Variants in ZNF26 observed in about 807,000 individuals in gnomAD.
The protein encoded by ZNF26 is zinc finger protein 26, also known as epididymis luminal protein 179.
ZNF26 carries 32 observed loss-of-function variants against 54.9 expected under a neutral mutation model. The ratio of observed to expected loss-of-function variants is 0.58; its 90% CI spans 0.44 to 0.78. The LOEUF is 0.78. Ranked by LOEUF, ZNF26 falls within the 30% of genes least tolerant of loss-of-function variation. The probability of loss-of-function intolerance (pLI) is 0.00; values close to 1 mark genes in which losing one functional copy is unlikely to be tolerated. For synonymous variants in ZNF26, 221 were observed against 209.2 expected (o/e 1.06, Z -0.49); for missense variants, 524 against 634.0 (o/e 0.83, Z 1.86).
intron 1 of ZNF26, among the ~76,000 whole-genome samples, chr12:132,999,387 C>T (rs1453978757): frequency 2.6e-5 from 4 of 151,156 alleles, no homozygotes; most frequent in African/African-American, 9.7e-5. Context: ...TCCTGAGTAG[C>T]TGGGATACAG....
chr12:132,994,875 C>T (rs78034272), intron 1 of ZNF26, among the ~76,000 whole-genome samples: 3,937 of 152,182 alleles, frequency 0.026, 68 homozygotes, highest in South Asian at 0.056. Flanking sequence ...TCCTGTGCAT[C>T]GTGGGTTGCT....
intron 1 of ZNF26, 145 bp downstream of exon 1, chr12:132,987,018 A>C: frequency 3.8e-5 from 34 of 902,542 alleles, no homozygotes; most frequent in Admixed American, 5.1e-5. Flanking sequence ...CACCAAACCA[A>C]AGCGCCTCTG....
chr12:132,998,539 T>C lies in ZNF26; in HGVS notation c.34-8503T>C, dbSNP rs993110234. Reference sequence around the variant, plus strand: ...GAAGGCCAGAAGCCAAGCCAAGGATTTGCTGCTCGACTGTGCTTGTAACAC... The same window carrying C: ...GAAGGCCAGAAGCCAAGCCAAGGATCTGCTGCTCGACTGTGCTTGTAACAC... On this transcript the variant is annotated intron_variant, in intron 1 of 3. Coordinates refer to ENST00000328654, the MANE Select transcript of ZNF26 (RefSeq NM_019591.4). 2.0e-5 allele frequency among the ~76,000 whole-genome samples: 3 copies of C among 152,286 alleles called. No homozygotes were observed. In the East Asian group the frequency reaches 5.8e-4, roughly 29 times the overall value.
chr12:133,005,674 C>T (rs1953309530), intron 1 of ZNF26: 1 of 152,150 alleles, frequency 6.6e-6, no homozygotes, highest in African/African-American at 2.4e-5. Flanking sequence ...GTCATCAGGG[C>T]AGGGCCCCTA....
At chr12:132,987,796 G>A in intron 1 of ZNF26, 11 of 907,354 alleles carry the variant, frequency 1.2e-5, no homozygotes, top group Non-Finnish European at 1.5e-5. Context: ...TGAAAGGAAA[G>A]GACACACGGT....
rs1307642189 is a variant in ZNF26 at position 133,002,209 on chromosome 12, G to A, written c.34-4833G>A. Among the ~76,000 whole-genome samples, 18 of 152,246 alleles carry A rather than the reference G, an allele frequency of 1.2e-4. No individual in the cohort carries two copies. The South Asian group carries it at 3.5e-3, about 30-fold the overall frequency. On this transcript the variant is annotated intron_variant, in intron 1 of 3. Transcript: ENST00000328654. ...GAAAGTTCTGTAGTTTGCTTGGCCA[G>A]GCTGCTTGGTGTCCTCCTGGCCCCC...
Position 133,011,198 on chromosome 12 carries a change from A to C in ZNF26, c.1319A>C (p.Gln440Pro). Residue 440 changes from glutamine (Q) to proline (P), a missense_variant, in exon 4 of 4, where the codon CAG becomes CCG. Coordinates refer to ENST00000328654, the MANE Select transcript of ZNF26 (RefSeq NM_019591.4). ...LCERAFCGKS[Q>P]LIIHQRTHST... The stretch of plus-strand genomic sequence containing the variant: ...GAGAGAGCCTTTTGTGGAAAATCAC[A>C]GCTGATTATACATCAGAGAACTCAT... 1 of 1,614,212 alleles carries C rather than the reference A, an allele frequency of 6.2e-7. No homozygotes were observed. Among genetic ancestry groups the C allele is most frequent in the Non-Finnish European group, 8.5e-7 (1 of 1,180,042 alleles).
intron 2 of ZNF26, 52 bp from the exon 3 acceptor site, chr12:133,007,385 G>A (rs1593663859): frequency 1.3e-5 from 20 of 1,488,422 alleles, no homozygotes; most frequent in African/African-American, 5.6e-5. Context: ...TTGATTCCTC[G>A]GTCCTGTCCC....
intron 1 of ZNF26, among the ~76,000 whole-genome samples, chr12:132,999,066 C>T (rs1183977324): frequency 6.6e-6 from 1 of 152,160 alleles, no homozygotes; most frequent in Non-Finnish European, 1.5e-5. Flanking sequence ...AACTGCCATC[C>T]ACAAATCAAG....
chr12:132,991,880 G>C (rs1432666365), intron 1 of ZNF26, among the ~76,000 whole-genome samples: 4 of 152,154 alleles, frequency 2.6e-5, no homozygotes, highest in African/African-American at 7.2e-5. Context: ...GGGCCTGGCG[G>C]CTCATCCCTG....
intron 1 of ZNF26, among the ~76,000 whole-genome samples, chr12:133,000,418 A>ATTTT (rs139011460): frequency 4.9e-5 from 3 of 60,954 alleles, no homozygotes; most frequent in Non-Finnish European, 9.3e-5. Context: ...TACCTGGCTA[A>ATTTT]TTTTTTTTTT....
intron 1 of ZNF26, among the ~76,000 whole-genome samples, chr12:132,988,627 C>A (rs2137204930): frequency 6.6e-6 from 1 of 152,280 alleles, no homozygotes; most frequent in African/African-American, 2.4e-5. Context: ...AGTCTTTTGT[C>A]TGTCTGAACT....
Position 133,018,362 on chromosome 12 carries a change from G to T in ZNF26, c.*6881G>T, listed in dbSNP as rs1953594804. On this transcript the variant is annotated 3_prime_UTR_variant, in exon 4 of 4. Coordinates refer to ENST00000328654, the MANE Select transcript of ZNF26 (RefSeq NM_019591.4). ...CAATACCAGCACAAAAGTCGGGGTGGGGGCTAGAACTATATAGGAATAATG... is the reference window on the plus strand; with the variant it reads ...CAATACCAGCACAAAAGTCGGGGTGTGGGCTAGAACTATATAGGAATAATG... 6.6e-6 allele frequency: 1 copy of T among 152,144 alleles called. No individual in the cohort carries two copies. The highest frequency in any genetic ancestry group is 2.4e-5 in the African/African-American group (1 of 41,420). 9.4% of individuals were successfully genotyped at this position (152,144 alleles called of 1,614,324 possible). A position where few individuals can be genotyped will look rare whatever the true frequency, so the allele number is the denominator to read the frequency against.
At chr12:133,002,680 G>C (rs1953244830) in intron 1 of ZNF26, among the ~76,000 whole-genome samples, 2 of 151,906 alleles carry the variant, frequency 1.3e-5, no homozygotes, top group East Asian at 3.9e-4. Context: ...CTGGAGTGCA[G>C]TGGTGCGATT....
At chr12:133,002,154 T>C (rs1222521138) in intron 1 of ZNF26, among the ~76,000 whole-genome samples, 1 of 152,204 alleles carries the variant, frequency 6.6e-6, no homozygotes, top group Admixed American at 6.5e-5. Context: ...CTCCGTTTGT[T>C]ATCCCCAGGC....
At chr12:132,995,953 T>C (rs1240203163) in intron 1 of ZNF26, among the ~76,000 whole-genome samples, 1 of 152,198 alleles carries the variant, frequency 6.6e-6, no homozygotes, top group South Asian at 2.1e-4. Context: ...TACCTGACCT[T>C]ACTGTTGTTT....
intron 1 of ZNF26, 146 bp downstream of exon 1, chr12:132,987,019 A>C (rs2137200536): frequency 2.1e-3 from 1,736 of 840,434 alleles, no homozygotes; most frequent in East Asian, 4.6e-3. Context: ...ACCAAACCAA[A>C]GCGCCTCTGA....
chr12:133,010,777 C>G lies in ZNF26; in HGVS notation c.898C>G (p.Pro300Ala), dbSNP rs1046162799. The G allele has an allele frequency of 1.4e-4, 231 of 1,613,954 alleles. No homozygotes were observed. Among genetic ancestry groups the G allele is most frequent in the Non-Finnish European group, 2.1e-5 (25 of 1,179,996 alleles). The change falls in exon 4 of 4, where the codon CCA becomes GCA. Residue 300 changes from proline (P) to alanine (A), a missense_variant. Pro to Ala is a conservative substitution (Grantham distance 27). Transcript: ENST00000328654. ...TGGGAAAGCCTTTAGTTTGAAGTCT[C>G]CATTCGTTGTACACCAGAGAACTCA... ...ECGKAFSLKS[P>A]FVVHQRTHTG...
rs1387433771 is a variant in ZNF26, at chr12:133,025,405, A to G, written c.*13924A>G. ...ATGAGATCCTGGTCTTCAATCTGATATTATAACGGGATGAGACATTGGGAT... is the reference window on the plus strand; with the variant it reads ...ATGAGATCCTGGTCTTCAATCTGATGTTATAACGGGATGAGACATTGGGAT... On this transcript the variant is annotated 3_prime_UTR_variant, in exon 4 of 4. Transcript: ENST00000328654. 6.6e-6 allele frequency: 1 copy of G among 152,174 alleles called. No homozygotes were observed. Among genetic ancestry groups the G allele is most frequent in the East Asian group, 1.9e-4 (1 of 5,192 alleles). 9.4% of individuals were successfully genotyped at this position (152,174 alleles called of 1,614,324 possible). A position where few individuals can be genotyped will look rare whatever the true frequency, so the allele number is the denominator to read the frequency against.
Sources: gnomAD v4.1 joint callset for allele counts (sites outside exome capture counted in the v4.1 genomes callset) on GRCh38, gnomAD v4.1.1 for gene constraint, MANE v1.5 for transcripts, NCBI Gene and HGNC (gene_info 2026-07-23, HGNC 2026-07-21) for gene names.